The following C10orf90 variants were observed in gnomAD, a reference collection of about 807,000 sequenced individuals.
C10orf90 encodes chromosome 10 open reading frame 90.
Under a neutral mutation model 62.5 loss-of-function variants are expected in C10orf90, and 56 were observed. The ratio of observed to expected loss-of-function variants is 0.90; its 90% CI spans 0.72 to 1.12. The LOEUF (loss-of-function observed/expected upper bound fraction) is 1.12. Ranked by LOEUF, C10orf90 falls within the 50% of genes most tolerant of loss-of-function variation. The pLI is 0.00. For missense variants in C10orf90, 970 were observed against 880.4 expected, an observed-to-expected ratio of 1.10 and a Z score of -1.29; for synonymous variants, 386 against 340.4, an observed-to-expected ratio of 1.13 and a Z score of -1.47.
chr10:126,650,838 T>C (rs1345529604), intron 1 of C10orf90, among the ~76,000 whole-genome samples: 5 of 152,060 alleles, frequency 3.3e-5, no homozygotes, highest in African/African-American at 9.7e-5. Context: ...AAACGGTGGC[T>C]CTGTCACCTA....
intron 2 of C10orf90, among the ~76,000 whole-genome samples, chr10:126,638,168 A>G (rs1254733673): frequency 6.6e-6 from 1 of 152,058 alleles, no homozygotes; most frequent in Admixed American, 6.5e-5. Context: ...CCCTAGGCCC[A>G]GTCTAGAACT....
chr10:126,473,506 A>T (rs1251900296), intron 4 of C10orf90, among the ~76,000 whole-genome samples: 1 of 152,152 alleles, frequency 6.6e-6, no homozygotes, highest in East Asian at 1.9e-4. Flanking sequence ...CACAGTATTT[A>T]GTGTGGATGT....
chr10:126,553,479 T>C (rs1252632349), intron 2 of C10orf90, among the ~76,000 whole-genome samples: 3 of 152,210 alleles, frequency 2.0e-5, no homozygotes, highest in Admixed American at 6.5e-5. Context: ...TATATGATGA[T>C]GGTCTCATAA....
chr10:126,484,063 C>G (rs1861298520), intron 4 of C10orf90, among the ~76,000 whole-genome samples: 1 of 152,154 alleles, frequency 6.6e-6, no homozygotes, highest in Non-Finnish European at 1.5e-5. Flanking sequence ...ACCTTCTCTC[C>G]TCTCTTTCTC....
chr10:126,549,637 C>T (rs1689261887), intron 2 of C10orf90, among the ~76,000 whole-genome samples: 1 of 151,646 alleles, frequency 6.6e-6, no homozygotes, highest in African/African-American at 2.4e-5. Context: ...TGTAACTATT[C>T]TATGAGTCAA....
At chr10:126,449,166 G>C (rs898054521) in intron 7 of C10orf90, among the ~76,000 whole-genome samples, 1 of 152,078 alleles carries the variant, frequency 6.6e-6, no homozygotes, top group Non-Finnish European at 1.5e-5. Context: ...AAATTCAATA[G>C]CAAATTAAAA....
chr10:126,578,820 G>A (rs7906399), intron 2 of C10orf90, among the ~76,000 whole-genome samples: 64,271 of 151,934 alleles, frequency 0.42, 13,907 homozygotes, highest in Middle Eastern at 0.5. Context: ...TGTGAAAGAG[G>A]TCAAACACAA....
chr10:126,622,151 G>A (rs561540327), intron 2 of C10orf90, among the ~76,000 whole-genome samples: 1 of 152,210 alleles, frequency 6.6e-6, no homozygotes, highest in East Asian at 1.9e-4. Context: ...GTTCTTATGC[G>A]ACTCCCACCC....
chr10:126,533,395 A>G (rs993919903), intron 2 of C10orf90, among the ~76,000 whole-genome samples: 1 of 152,238 alleles, frequency 6.6e-6, no homozygotes, highest in Non-Finnish European at 1.5e-5. Flanking sequence ...AGGTGATAGC[A>G]TTCCTACGTT....
chr10:126,561,826 A>C (rs7078314), intron 2 of C10orf90, among the ~76,000 whole-genome samples: 1 of 152,158 alleles, frequency 6.6e-6, no homozygotes, highest in Non-Finnish European at 1.5e-5. Flanking sequence ...GCTGAGCGCC[A>C]GTCAACACCT....
intron 2 of C10orf90, among the ~76,000 whole-genome samples, chr10:126,603,007 G>A (rs1193892482): frequency 1.3e-5 from 2 of 151,980 alleles, no homozygotes; most frequent in Admixed American, 6.6e-5. Flanking sequence ...GACAGACAGA[G>A]GGAAGCAGAG....
chr10:126,534,288 T>C (rs1399517001), intron 2 of C10orf90, among the ~76,000 whole-genome samples: 2 of 152,224 alleles, frequency 1.3e-5, no homozygotes, highest in African/African-American at 2.4e-5. Context: ...AATGTGGGCC[T>C]CAGAACTCCT....
Position 126,513,838 on chromosome 10 carries a change from T to C in C10orf90, c.405+10A>G. ...TGCTGACTATTCTAGAAGTTAGAAATGTATGTTACCTTGGTGAAGTCAGAT... is the reference window on the plus strand; with the variant it reads ...TGCTGACTATTCTAGAAGTTAGAAACGTATGTTACCTTGGTGAAGTCAGAT... On this transcript the variant is annotated intron_variant, in intron 3 of 9. Coordinates refer to ENST00000488181, the MANE Select transcript of C10orf90 (RefSeq NM_001350921.2). 6.4e-7 allele frequency: 1 copy of C among 1,560,924 alleles called. No individual in the cohort carries two copies. Among genetic ancestry groups the C allele is most frequent in the Non-Finnish European group, 8.8e-7 (1 of 1,132,900 alleles).
chr10:126,427,803 T>A (rs1466885303), intron 8 of C10orf90, among the ~76,000 whole-genome samples: 1 of 152,218 alleles, frequency 6.6e-6, no homozygotes, highest in Non-Finnish European at 1.5e-5. Context: ...GAGCCACTAC[T>A]GGCTTCTCTC....
At chr10:126,492,955 C>T (rs1034509732) in intron 4 of C10orf90, among the ~76,000 whole-genome samples, 5 of 152,036 alleles carry the variant, frequency 3.3e-5, no homozygotes, top group Non-Finnish European at 7.4e-5. Context: ...TTTATCAACA[C>T]ATTGCTATAA....
intron 2 of C10orf90, among the ~76,000 whole-genome samples, chr10:126,612,031 CAA>C (rs1211961974): frequency 1.3e-5 from 2 of 152,188 alleles, no homozygotes; most frequent in Admixed American, 6.5e-5. Flanking sequence ...TTCAAGTGCT[CAA>C]GAGTCGGCCA....
At chr10:126,490,016 T>TATA (rs1861650787) in intron 4 of C10orf90, among the ~76,000 whole-genome samples, 1 of 51,150 alleles carries the variant, frequency 2.0e-5, no homozygotes, top group Non-Finnish European at 3.3e-5. Flanking sequence ...ATATATATTA[T>TATA]ATATAATATA....
intron 4 of C10orf90, among the ~76,000 whole-genome samples, chr10:126,474,460 C>T (rs983250201): frequency 6.6e-6 from 1 of 152,190 alleles, no homozygotes; most frequent in Non-Finnish European, 1.5e-5. Flanking sequence ...TTCTTCTTTC[C>T]TGTCCTTCAA....
chr10:126,628,151 C>A (rs1845783572), intron 2 of C10orf90, among the ~76,000 whole-genome samples: 1 of 152,186 alleles, frequency 6.6e-6, no homozygotes, highest in Admixed American at 6.5e-5. Flanking sequence ...CCCTACCAGG[C>A]TGGGTCACTC....
Sources: allele counts gnomAD v4.1 joint callset (sites outside exome capture counted in the v4.1 genomes callset), GRCh38; gene constraint gnomAD v4.1.1; transcripts MANE v1.5; gene names NCBI Gene and HGNC (gene_info 2026-07-23, HGNC 2026-07-21).